Variants in PLEKHA8 observed in about 807,000 individuals in gnomAD.
The protein encoded by PLEKHA8 is pleckstrin homology domain-containing family A member 8.
Under a neutral mutation model 68.2 loss-of-function variants are expected in PLEKHA8, and 36 were observed. The ratio of observed to expected loss-of-function variants is 0.53; its 90% CI spans 0.40 to 0.70. PLEKHA8 has a LOEUF of 0.70. PLEKHA8 is among the 30% of genes least tolerant of loss of function. The probability of loss-of-function intolerance (pLI) is 0.00; values close to 1 mark genes in which losing one functional copy is unlikely to be tolerated. For synonymous variants in PLEKHA8, 211 were observed against 216.1 expected (o/e 0.98, Z 0.20); for missense variants, 505 against 615.4 (o/e 0.82, Z 1.90).
intron 12 of PLEKHA8, among the ~76,000 whole-genome samples, chr7:30,070,896 TG>T (rs1347613974): frequency 6.6e-6 from 1 of 152,196 alleles, no homozygotes; most frequent in Non-Finnish European, 1.5e-5. Flanking sequence ...GCCTTGGAGC[TG>T]GAGGCTCAGG....
At chr7:30,110,507 T>C (rs1796237258) in intron 13 of PLEKHA8, among the ~76,000 whole-genome samples, 1 of 152,218 alleles carries the variant, frequency 6.6e-6, no homozygotes, top group African/African-American at 2.4e-5. Context: ...TGTGGATATA[T>C]GTTTTCATTT....
At chr7:30,074,252 G>GTA (rs1305267671) in intron 13 of PLEKHA8, 120 bp downstream of exon 13, 1 of 633,296 alleles carries the variant, frequency 1.6e-6, no homozygotes. Flanking sequence ...AAAGTTGTGT[G>GTA]TGTGTGTGTG....
At chr7:30,052,583 T>G (rs1583814390) in intron 6 of PLEKHA8, 126 bp from the exon 7 acceptor site, 207 of 725,948 alleles carry the variant, frequency 2.9e-4, no homozygotes, top group Middle Eastern at 4.2e-4. Flanking sequence ...AAGATTGCAG[T>G]GAGCTGTGAT....
intron 1 of PLEKHA8, among the ~76,000 whole-genome samples, chr7:30,041,569 A>T (rs1440160323): frequency 6.6e-6 from 1 of 151,808 alleles, no homozygotes; most frequent in Non-Finnish European, 1.5e-5. Flanking sequence ...AGTTTTTAAA[A>T]TTTTTTGTTG....
intron 13 of PLEKHA8, among the ~76,000 whole-genome samples, chr7:30,126,935 G>A (rs1459132515): frequency 6.6e-6 from 1 of 152,154 alleles, no homozygotes; most frequent in African/African-American, 2.4e-5. Flanking sequence ...GATTCGGGTG[G>A]GGACACAGCC....
At chr7:30,060,735 G>A in intron 9 of PLEKHA8, 149 bp from the exon 10 acceptor site, 1 of 633,858 alleles carries the variant, frequency 1.6e-6, no homozygotes, top group South Asian at 1.8e-5. Flanking sequence ...TAGTATCCTG[G>A]GAGCTTTTGA....
intron 1 of PLEKHA8, among the ~76,000 whole-genome samples, chr7:30,040,042 T>TTC: frequency 6.6e-6 from 1 of 152,318 alleles, no homozygotes; most frequent in Admixed American, 6.5e-5. Flanking sequence ...GTTGAAGAAG[T>TTC]TCTCTTCTAA....
downstream of PLEKHA8, among the ~76,000 whole-genome samples, chr7:30,091,338 T>C (rs1449431869): frequency 2.0e-5 from 3 of 151,992 alleles, no homozygotes; most frequent in Admixed American, 2.0e-4. Flanking sequence ...TAATGGAGGA[T>C]GGGAGGTGTT....
At chr7:30,104,251 G>A (rs1371479640) in intron 13 of PLEKHA8, among the ~76,000 whole-genome samples, 1 of 152,166 alleles carries the variant, frequency 6.6e-6, no homozygotes, top group East Asian at 1.9e-4. Flanking sequence ...GTCTTAAATG[G>A]TATAACCACT....
At chr7:30,119,988 C>A (rs10247232) in intron 13 of PLEKHA8, among the ~76,000 whole-genome samples, 1 of 152,012 alleles carries the variant, frequency 6.6e-6, no homozygotes, top group South Asian at 2.1e-4. Flanking sequence ...CTACTGTATT[C>A]TCAGCTCTGA....
chr7:30,052,658 A>AG (rs1562865965), intron 6 of PLEKHA8, 51 bp from the exon 7 acceptor site: 2 of 1,438,912 alleles, frequency 1.4e-6, no homozygotes, highest in African/African-American at 2.9e-5. Context: ...AAAAAAAAAA[A>AG]AAGACCAAAT....
At position 30,054,718 on chromosome 7, in the gene PLEKHA8, A is replaced by C; in HGVS notation, c.806A>C (p.Glu269Ala). Reference sequence around the variant, plus strand: ...ATTTTCTACTTTGCAGTCCAAGGTGAAATAAGGAAGGAAGATGGAATGGAA... The same window carrying C: ...ATTTTCTACTTTGCAGTCCAAGGTGCAATAAGGAAGGAAGATGGAATGGAA... ...NTDDNITVQG[E>A]IRKEDGMENL... The change falls in exon 8 of 14, where the codon GAA becomes GCA. Residue 269 changes from glutamate (E) to alanine (A), a missense_variant. Coordinates refer to ENST00000449726, the MANE Select transcript of PLEKHA8 (RefSeq NM_001197026.2). 6.3e-7 allele frequency: 1 copy of C among 1,584,540 alleles called. No individual in the cohort carries two copies. The highest frequency in any genetic ancestry group is 8.6e-7 in the Non-Finnish European group (1 of 1,161,330).
intron 1 of PLEKHA8, among the ~76,000 whole-genome samples, chr7:30,040,287 AG>A (rs2127965931): frequency 6.6e-6 from 1 of 152,350 alleles, no homozygotes; most frequent in East Asian, 1.9e-4. Flanking sequence ...AATGTCATCC[AG>A]ATTTTCTTCC....
At chr7:30,087,404 A>G (rs1795225733), downstream of PLEKHA8, among the ~76,000 whole-genome samples, 1 of 152,100 alleles carries the variant, frequency 6.6e-6, no homozygotes, top group Non-Finnish European at 1.5e-5. Context: ...CAGAGCTCCA[A>G]TCCAGACCCA....
intron 10 of PLEKHA8, among the ~76,000 whole-genome samples, 155 bp downstream of exon 10, chr7:30,061,097 T>G (rs1793400606): frequency 6.6e-6 from 1 of 152,238 alleles, no homozygotes; most frequent in Non-Finnish European, 1.5e-5. Context: ...GAATGCTCAG[T>G]AAGGGAATTA....
Position 30,084,600 on chromosome 7 carries a change from TATCTGTCAG to T in PLEKHA8, c.*5816_*5824del, listed in dbSNP as rs1795101124. 1 of 953,716 alleles carries T rather than the reference TATCTGTCAG, an allele frequency of 1.0e-6. No individual in the cohort carries two copies. The highest frequency in any genetic ancestry group is 1.8e-5 in the African/African-American group (1 of 56,552). 59.1% of individuals were successfully genotyped at this position (953,716 alleles called of 1,614,324 possible). ...CTTTTTTTGCAAAAATGTTTGAAAA[TATCTGTCAG>T]ATTTTATATTCGTTAGTTATAATAA... On this transcript the variant is annotated 3_prime_UTR_variant, in exon 14 of 14. Transcript: ENST00000449726.
chr7:30,115,956 ATGCATGCATACATG>A lies in PLEKHA8; in HGVS notation c.1363-13300_1363-13287del, dbSNP rs1356176198. 3 of 148,250 alleles carry A rather than the reference ATGCATGCATACATG, an allele frequency of 2.0e-5. 1 individual carries two copies. Among genetic ancestry groups the A allele is most frequent in the African/African-American group, 7.4e-5 (3 of 40,286 alleles). 9.2% of individuals were successfully genotyped at this position (148,250 alleles called of 1,614,324 possible). A position where few individuals can be genotyped will look rare whatever the true frequency, so the allele number is the denominator to read the frequency against. ...TGTATACATGCACACATACGCATAC[ATGCATGCATACATG>A]TGCATGCATGCATGTATGCATACGC... On this transcript the variant is annotated intron_variant, in intron 13 of 13. Coordinates refer to the PLEKHA8 transcript ENST00000396257.
intron 13 of PLEKHA8, among the ~76,000 whole-genome samples, chr7:30,119,160 A>G (rs1242064947): frequency 6.6e-6 from 1 of 152,218 alleles, no homozygotes. Flanking sequence ...CTGAGTCACT[A>G]CGGGACCTAT....
At position 30,079,323 on chromosome 7, in the gene PLEKHA8, GT is replaced by G; in HGVS notation, c.*538del. On this transcript the variant is annotated 3_prime_UTR_variant, in exon 14 of 14. Coordinates refer to ENST00000449726, the MANE Select transcript of PLEKHA8 (RefSeq NM_001197026.2). ...TGATAAGGGCCTGTGTAGTAAAGAT[GT>G]TCAGGGCATTCACATGACCATGCAA... 1 of 986,484 alleles carries G rather than the reference GT, an allele frequency of 1.0e-6. No individual in the cohort carries two copies. Among genetic ancestry groups the G allele is most frequent in the Middle Eastern group, 5.2e-4 (1 of 1,914 alleles). The allele number at this position is 986,484 out of a possible 1,614,324, so 61.1% of individuals were successfully genotyped here.
Sources: gnomAD v4.1 joint callset for allele counts (sites outside exome capture counted in the v4.1 genomes callset) on GRCh38, gnomAD v4.1.1 for gene constraint, MANE v1.5 for transcripts, NCBI Gene and HGNC (gene_info 2026-07-23, HGNC 2026-07-21) for gene names.